ARL6IP6: variants seen among roughly 807,000 people sequenced by gnomAD.
ARL6IP6 encodes the protein ADP-ribosylation factor-like protein 6-interacting protein 6.
Under a neutral mutation model 21.5 loss-of-function variants are expected in ARL6IP6, and 22 were observed. The ratio of observed to expected loss-of-function variants is 1.02; its 90% confidence interval spans 0.73 to 1.46. ARL6IP6 has a LOEUF of 1.46. Among genes scored for constraint, ARL6IP6 ranks in the 40% most tolerant of loss-of-function variants. ARL6IP6 has a pLI of 0.00. For synonymous variants in ARL6IP6, 164 were observed against 125.3 expected (o/e 1.31, Z -2.06); for missense variants, 388 against 299.8 (o/e 1.29, Z -2.17).
chr2:152,732,017 A>G (rs892970575), intron 2 of ARL6IP6, among the ~76,000 whole-genome samples: 1 of 152,080 alleles, frequency 6.6e-6, no homozygotes. Context: ...GGATGTACTT[A>G]ATTAACCAAT....
intron 2 of ARL6IP6, among the ~76,000 whole-genome samples, chr2:152,733,681 A>G (rs990399682): frequency 9.9e-5 from 15 of 152,210 alleles, no homozygotes; most frequent in African/African-American, 3.6e-4. Context: ...TTTTAGAATT[A>G]ACTATTATTC....
chr2:152,759,565 TTAA>T (rs1011557449), intron 3 of ARL6IP6, among the ~76,000 whole-genome samples, 179 bp from the exon 4 acceptor site: 21 of 152,334 alleles, frequency 1.4e-4, no homozygotes, highest in African/African-American at 4.8e-4. Flanking sequence ...GACACAGGAC[TTAA>T]TAAGATCTAT....
At chr2:152,726,415 T>G (rs544741259) in intron 2 of ARL6IP6, among the ~76,000 whole-genome samples, 1 of 152,328 alleles carries the variant, frequency 6.6e-6, no homozygotes, top group Non-Finnish European at 1.5e-5. Flanking sequence ...GAGAGCACTT[T>G]CCTCTGCTCC....
chr2:152,759,847 A>G lies in ARL6IP6; in HGVS notation c.*7A>G. On this transcript the variant is annotated 3_prime_UTR_variant, in exon 4 of 4. Coordinates refer to ENST00000326446, the MANE Select transcript of ARL6IP6 (RefSeq NM_152522.7). Reference sequence around the variant, plus strand: ...AGCATGGTGCCTCATGTAAACCCACACTGGAGCGATATTGTTGGCAAAACT... The same window carrying G: ...AGCATGGTGCCTCATGTAAACCCACGCTGGAGCGATATTGTTGGCAAAACT... 6.2e-7 allele frequency: 1 copy of G among 1,607,064 alleles called. No individual in the cohort carries two copies. Among genetic ancestry groups the G allele is most frequent in the African/African-American group, 1.3e-5 (1 of 74,844 alleles).
chr2:152,720,105 A>ATGGAATGTAAATTATCAGTCTTAAATG, intron 1 of ARL6IP6: 11 of 340,542 alleles, frequency 3.2e-5, no homozygotes, highest in Admixed American at 8.8e-5. Flanking sequence ...CCTTTTTTGC[A>ATGGAATGTAAATTATCAGTCTTAAATG]ATTCTGATAG....
At chr2:152,726,115 T>C (rs1468680965) in intron 2 of ARL6IP6, among the ~76,000 whole-genome samples, 1 of 152,108 alleles carries the variant, frequency 6.6e-6, no homozygotes, top group African/African-American at 2.4e-5. Context: ...CTTTTTCCTG[T>C]GTTTGAAATG....
rs1701856794 is a variant in ARL6IP6 at position 152,761,767 on chromosome 2, A to G, written c.*1927A>G. 6.6e-6 allele frequency among the ~76,000 whole-genome samples: 1 copy of G among 152,188 alleles called. No individual in the cohort carries two copies. Among genetic ancestry groups the G allele is most frequent in the Non-Finnish European group, 1.5e-5 (1 of 68,020 alleles). On this transcript the variant is annotated 3_prime_UTR_variant, in exon 4 of 4. Transcript: ENST00000326446. Reference sequence around the variant, plus strand: ...TAGTCTAGGAGCAATAAGCTATACCATATAGCCTAGGTGTGTAGTAGGCTA... The same window carrying G: ...TAGTCTAGGAGCAATAAGCTATACCGTATAGCCTAGGTGTGTAGTAGGCTA...
rs776457567 is a variant in ARL6IP6 at position 152,718,833 on chromosome 2, G to A, written c.209G>A (p.Arg70His). 2 of 1,610,836 alleles carry A rather than the reference G, an allele frequency of 1.2e-6. No individual in the cohort carries two copies. Among genetic ancestry groups the A allele is most frequent in the African/African-American group, 1.3e-5 (1 of 74,888 alleles). Residue 70 changes from arginine to histidine, a missense_variant, in exon 1 of 4, where the codon CGC becomes CAC. By Grantham distance (29) the Arg-to-His change is conservative (BLOSUM62 0). Transcript: ENST00000326446. Reference sequence around the variant, plus strand: ...GGGGCGTGGTCAGAGCCCAGAAAGCGCTCGGTGCTCCCGCCGGACGGGAAC... The same window carrying A: ...GGGGCGTGGTCAGAGCCCAGAAAGCACTCGGTGCTCCCGCCGGACGGGAAC... Reference protein sequence around the residue: ...SAGAWSEPRKRSVLPPDGNGS... With the variant: ...SAGAWSEPRKHSVLPPDGNGS...
At chr2:152,745,229 G>A (rs758645814) in intron 3 of ARL6IP6, among the ~76,000 whole-genome samples, 1 of 152,062 alleles carries the variant, frequency 6.6e-6, no homozygotes, top group East Asian at 1.9e-4. Flanking sequence ...CACATTGAGG[G>A]TTAGGAAGAT....
In ARL6IP6 at chr2:152,718,888, T is replaced by C. The variant is rs372942882; in HGVS notation, c.264T>C (p.Asn88=). Residue 88 remains asparagine, a synonymous_variant, in exon 1 of 4, where the codon AAT becomes AAC. Transcript: ENST00000326446. ...NGSPVLPDKR[N]GIFPAAAGSR... is the part of the protein sequence containing the mutation. Reference sequence around the variant, plus strand: ...CGCCCGTTCTGCCCGATAAGCGCAATGGTATCTTTCCCGCGGCCGCGGGCA... The same window carrying C: ...CGCCCGTTCTGCCCGATAAGCGCAACGGTATCTTTCCCGCGGCCGCGGGCA... The C allele has an allele frequency of 9.3e-6, 15 of 1,613,636 alleles. No homozygotes were observed. Among genetic ancestry groups the C allele is most frequent in the African/African-American group, 1.3e-5 (1 of 74,894 alleles).
At chr2:152,749,241 G>C (rs528582473) in intron 3 of ARL6IP6, among the ~76,000 whole-genome samples, 1 of 151,620 alleles carries the variant, frequency 6.6e-6, no homozygotes, top group East Asian at 1.9e-4. Flanking sequence ...TGGAAGTCTG[G>C]GTTCTCCAGT....
chr2:152,750,510 A>AAGGG (rs1470999612), intron 3 of ARL6IP6, among the ~76,000 whole-genome samples: 1 of 149,840 alleles, frequency 6.7e-6, no homozygotes, highest in Non-Finnish European at 1.5e-5. Flanking sequence ...GAGAGAAAGG[A>AAGGG]AGGGAGGGAG....
At chr2:152,726,189 T>C (rs1039243891) in intron 2 of ARL6IP6, among the ~76,000 whole-genome samples, 2 of 152,208 alleles carry the variant, frequency 1.3e-5, no homozygotes, top group South Asian at 2.1e-4. Flanking sequence ...GATTTACCAA[T>C]GTTGGGAACT....
Position 152,760,877 on chromosome 2 carries a change from A to G in ARL6IP6, c.*1037A>G, listed in dbSNP as rs1237135018. 6.6e-6 allele frequency: 1 copy of G among 152,026 alleles called. No homozygotes were observed. The highest frequency in any genetic ancestry group is 1.9e-4 in the East Asian group (1 of 5,200). 9.4% of individuals were successfully genotyped at this position (152,026 alleles called of 1,614,324 possible). ...TTAAAAACTACATATAGTTAATATAATTTTATAATTTTTGTAATTAAATGT... is the reference window on the plus strand; with the variant it reads ...TTAAAAACTACATATAGTTAATATAGTTTTATAATTTTTGTAATTAAATGT... On this transcript the variant is annotated 3_prime_UTR_variant, in exon 4 of 4. Coordinates refer to ENST00000326446, the MANE Select transcript of ARL6IP6 (RefSeq NM_152522.7).
At chr2:152,743,427 A>G (rs1176655158) in intron 3 of ARL6IP6, among the ~76,000 whole-genome samples, 2 of 152,224 alleles carry the variant, frequency 1.3e-5, no homozygotes, top group South Asian at 2.1e-4. Flanking sequence ...CCTTCACAGT[A>G]GGACATTAAC....
chr2:152,760,788 C>A lies in ARL6IP6; in HGVS notation c.*948C>A, dbSNP rs13405185. ...ATTTTTGTATGTGAGAATGATTGAA[C>A]TAGTTTGTTCTTAATCTCAAAAATT... is the stretch of plus-strand genomic sequence containing the variant. On this transcript the variant is annotated 3_prime_UTR_variant, in exon 4 of 4. Coordinates refer to ENST00000326446, the MANE Select transcript of ARL6IP6 (RefSeq NM_152522.7). The A allele has an allele frequency of 6.6e-6, 1 of 151,380 alleles. No homozygotes were observed. Among genetic ancestry groups the A allele is most frequent in the South Asian group, 2.1e-4 (1 of 4,814 alleles). The allele number at this position is 151,380 out of a possible 1,614,324, so 9.4% of individuals were successfully genotyped here. A position where few individuals can be genotyped will look rare whatever the true frequency, so the allele number is the denominator to read the frequency against.
intron 2 of ARL6IP6, among the ~76,000 whole-genome samples, chr2:152,725,178 A>C (rs1699982067): frequency 6.6e-6 from 1 of 152,230 alleles, no homozygotes; most frequent in South Asian, 2.1e-4. Context: ...TTTGATCTTG[A>C]AATTACCACA....
At chr2:152,745,408 A>G (rs960287462) in intron 3 of ARL6IP6, among the ~76,000 whole-genome samples, 1 of 152,194 alleles carries the variant, frequency 6.6e-6, no homozygotes, top group Non-Finnish European at 1.5e-5. Flanking sequence ...CCCTCCTTGG[A>G]AATAAGTATA....
intron 2 of ARL6IP6, among the ~76,000 whole-genome samples, chr2:152,733,898 C>T (rs1700437700): frequency 6.6e-6 from 1 of 152,132 alleles, no homozygotes; most frequent in South Asian, 2.1e-4. Flanking sequence ...ATCCCCATTA[C>T]CTAGCACAAT....
Sources: gnomAD v4.1 joint callset for allele counts (sites outside exome capture counted in the v4.1 genomes callset) on GRCh38, gnomAD v4.1.1 for gene constraint, MANE v1.5 for transcripts, NCBI Gene and HGNC (gene_info 2026-07-23, HGNC 2026-07-21) for gene names.